The following CCBE1 variants were observed in gnomAD, a reference collection of about 807,000 sequenced individuals.
CCBE1 encodes the protein collagen and calcium binding EGF domains 1, also known as collagen and calcium-binding EGF domain-containing protein 1.
In CCBE1, 37 loss-of-function variants were observed where a neutral mutation model predicts 50.0. The ratio of observed to expected loss-of-function variants is 0.74; its 90% CI spans 0.57 to 0.97. CCBE1 has a LOEUF of 0.97. CCBE1 is among the 50% of genes least tolerant of loss of function. CCBE1 has a pLI of 0.00. For missense variants in CCBE1, 538 were observed against 523.8 expected, an observed-to-expected ratio of 1.03 and a Z score of -0.26; for synonymous variants, 234 against 203.7, an observed-to-expected ratio of 1.15 and a Z score of -1.27.
At chr18:59,589,578 G>A (rs371514842) in intron 2 of CCBE1, among the ~76,000 whole-genome samples, 1 of 151,998 alleles carries the variant, frequency 6.6e-6, no homozygotes, top group Non-Finnish European at 1.5e-5. Flanking sequence ...GGTGGATCAC[G>A]AGGCCAGGAG....
chr18:59,559,468 G>A (rs958441564), intron 2 of CCBE1, among the ~76,000 whole-genome samples: 8 of 152,242 alleles, frequency 5.3e-5, no homozygotes, highest in Non-Finnish European at 1.2e-4. Flanking sequence ...AGTTAAGCAA[G>A]TAATGTCGGC....
Position 59,432,876 on chromosome 18 carries a change from A to C in CCBE1, c.*3032T>G, listed in dbSNP as rs1370552696. 6.6e-6 allele frequency: 1 copy of C among 152,194 alleles called. No individual in the cohort carries two copies. The highest frequency in any genetic ancestry group is 1.5e-5 in the Non-Finnish European group (1 of 68,024). The allele number at this position is 152,194 out of a possible 1,614,324, so 9.4% of individuals were successfully genotyped here. A position where few individuals can be genotyped will look rare whatever the true frequency, so the allele number is the denominator to read the frequency against. ...TAAATACAGTTCACTGTCAAAGAAA[A>C]GGTATTAAAATTCTTCTTTTAAAAA... On this transcript the variant is annotated 3_prime_UTR_variant, in exon 11 of 11. Coordinates refer to ENST00000439986, the MANE Select transcript of CCBE1 (RefSeq NM_133459.4).
At chr18:59,547,044 G>GGACAGAGGGT (rs1568199090) in intron 2 of CCBE1, among the ~76,000 whole-genome samples, 6 of 79,718 alleles carry the variant, frequency 7.5e-5, no homozygotes, top group Middle Eastern at 4.6e-3. Flanking sequence ...AAAGAGAGGG[G>GGACAGAGGGT]GAGAGAGGGG....
At chr18:59,490,763 G>A (rs1913061387) in intron 2 of CCBE1, among the ~76,000 whole-genome samples, 1 of 152,238 alleles carries the variant, frequency 6.6e-6, no homozygotes, top group Non-Finnish European at 1.5e-5. Flanking sequence ...GGAAACCATA[G>A]TATCATTTAG....
intron 2 of CCBE1, among the ~76,000 whole-genome samples, chr18:59,529,574 C>T (rs149826814): frequency 6.6e-6 from 1 of 152,314 alleles, no homozygotes; most frequent in Non-Finnish European, 1.5e-5. Context: ...CAATGTCACT[C>T]ACTGCCTCCC....
Position 59,610,001 on chromosome 18 carries a change from T to C in CCBE1, c.212+86628A>G, listed in dbSNP as rs190343193. On this transcript the variant is annotated intron_variant, in intron 2 of 10. Coordinates refer to ENST00000439986, the MANE Select transcript of CCBE1 (RefSeq NM_133459.4). ...GTTAATGAGAACTGCTTGGTTTACA[T>C]GGATGTAGCACACAAACCTAATATT... Among the ~76,000 whole-genome samples, 779 of 152,362 alleles carry C rather than the reference T, an allele frequency of 5.1e-3. 11 individuals carry two copies. The highest frequency in any genetic ancestry group is 0.018 in the African/African-American group (730 of 41,588).
chr18:59,519,407 T>C (rs1442253226), intron 2 of CCBE1, among the ~76,000 whole-genome samples: 1 of 152,188 alleles, frequency 6.6e-6, no homozygotes, highest in Non-Finnish European at 1.5e-5. Context: ...ATGAGAATGA[T>C]TGAGCCCTCT....
intron 5 of CCBE1, among the ~76,000 whole-genome samples, chr18:59,459,298 A>G (rs1186052317): frequency 1.3e-5 from 2 of 152,372 alleles, no homozygotes; most frequent in African/African-American, 2.4e-5. Flanking sequence ...GACCTGGAAC[A>G]TAAAACCTAC....
chr18:59,455,240 A>G, intron 5 of CCBE1: 1 of 492,772 alleles, frequency 2.0e-6, no homozygotes. Context: ...AATGCGTACC[A>G]TGGCCTTTTA....
intron 2 of CCBE1, among the ~76,000 whole-genome samples, chr18:59,589,167 A>G (rs1246211616): frequency 6.6e-6 from 1 of 152,174 alleles, no homozygotes; most frequent in Non-Finnish European, 1.5e-5. Context: ...CCTGGTCTCT[A>G]TCTCAGCCTT....
rs1027445913 is a variant in CCBE1 at position 59,671,600 on chromosome 18, G to A, written c.212+25029C>T. On this transcript the variant is annotated intron_variant, in intron 2 of 10. Transcript: ENST00000439986. ...CAGCAAGAAAAGTGATAGGACATAG[G>A]TTTCCTTAATGGCACTTCCAAAGAC... Among the ~76,000 whole-genome samples the A allele has an allele frequency of 5.3e-5, 8 of 152,128 alleles. No individual in the cohort carries two copies. In the East Asian group the frequency reaches 1.4e-3, roughly 26 times the overall value.
intron 2 of CCBE1, among the ~76,000 whole-genome samples, chr18:59,600,828 C>G (rs1599051026): frequency 6.6e-6 from 1 of 152,062 alleles, no homozygotes; most frequent in South Asian, 2.1e-4. Context: ...ACCTCATCCC[C>G]TAGCCTTGGA....
At chr18:59,474,098 A>C (rs183043201) in intron 3 of CCBE1, among the ~76,000 whole-genome samples, 1 of 152,190 alleles carries the variant, frequency 6.6e-6, no homozygotes, top group African/African-American at 2.4e-5. Flanking sequence ...GTAGTATTCC[A>C]TGGTGTATAT....
intron 2 of CCBE1, among the ~76,000 whole-genome samples, chr18:59,483,927 C>A (rs1912694965): frequency 6.6e-6 from 1 of 152,172 alleles, no homozygotes; most frequent in African/African-American, 2.4e-5. Flanking sequence ...ATCATCCATC[C>A]AATTTACCAA....
chr18:59,518,643 C>T (rs113984658), intron 2 of CCBE1, among the ~76,000 whole-genome samples: 2,960 of 152,226 alleles, frequency 0.019, 79 homozygotes, highest in African/African-American at 0.066. Flanking sequence ...ACATGCGACA[C>T]GTGGATGAAG....
intron 2 of CCBE1, among the ~76,000 whole-genome samples, chr18:59,524,578 A>G (rs1914739982): frequency 6.6e-6 from 1 of 152,108 alleles, no homozygotes; most frequent in Non-Finnish European, 1.5e-5. Flanking sequence ...TAACCTTGAA[A>G]TTTGCATTTA....
At chr18:59,694,971 A>C (rs2144758774) in intron 2 of CCBE1, among the ~76,000 whole-genome samples, 1 of 152,350 alleles carries the variant, frequency 6.6e-6, no homozygotes, top group South Asian at 2.1e-4. Context: ...GTGAAAACAC[A>C]TGCCAAGGTG....
chr18:59,482,777 C>T (rs1912633503), intron 2 of CCBE1, among the ~76,000 whole-genome samples: 1 of 151,942 alleles, frequency 6.6e-6, no homozygotes, highest in Non-Finnish European at 1.5e-5. Flanking sequence ...TTGCTTTCAC[C>T]ACTTCCATCA....
At chr18:59,617,114 C>T (rs1251470338) in intron 2 of CCBE1, among the ~76,000 whole-genome samples, 4 of 152,164 alleles carry the variant, frequency 2.6e-5, no homozygotes, top group Non-Finnish European at 5.9e-5. Flanking sequence ...AGTAGGAAAC[C>T]TCTGAACTAT....
Sources: gnomAD v4.1 joint callset for allele counts (sites outside exome capture counted in the v4.1 genomes callset) on GRCh38, gnomAD v4.1.1 for gene constraint, MANE v1.5 for transcripts, NCBI Gene and HGNC (gene_info 2026-07-23, HGNC 2026-07-21) for gene names.